The following MUC22 variants were observed in gnomAD, a reference collection of about 807,000 sequenced individuals.
MUC22 encodes mucin-22.
Under a neutral mutation model 40.3 loss-of-function variants are expected in MUC22, and 24 were observed. That is an observed-to-expected ratio of 0.60 (90% CI 0.43 to 0.84). The LOEUF is 0.84. Among genes scored for constraint, MUC22 ranks in the 40% least tolerant of loss-of-function variants. The probability of loss-of-function intolerance (pLI) is 0.00; values close to 1 mark genes in which losing one functional copy is unlikely to be tolerated. For missense variants in MUC22, 1,926 were observed against 2,130.7 expected, an observed-to-expected ratio of 0.90 and a Z score of 1.89; for synonymous variants, 765 against 844.5, an observed-to-expected ratio of 0.91 and a Z score of 1.63.
chr6:31,022,389 C>T (rs769856241), intron 1 of MUC22, among the ~76,000 whole-genome samples: 4 of 152,028 alleles, frequency 2.6e-5, no homozygotes, highest in Non-Finnish European at 5.9e-5. Context: ...GTATCGAACT[C>T]CTGGTGATCT....
At chr6:31,015,952 C>A (rs1764166296) in intron 1 of MUC22, among the ~76,000 whole-genome samples, 1 of 152,086 alleles carries the variant, frequency 6.6e-6, no homozygotes, top group East Asian at 1.9e-4. Context: ...ACCTCCTGGG[C>A]TGACACTCTA....
At position 31,024,629 on chromosome 6, in the gene MUC22, T is replaced by C. The variant is rs188984354; in HGVS notation, c.71-873T>C. ...TTCTTGTAAAGAAGAGTTTAGAATATAAAGAATGTAAATACACCTTTGGGT... is the reference window on the plus strand; with the variant it reads ...TTCTTGTAAAGAAGAGTTTAGAATACAAAGAATGTAAATACACCTTTGGGT... On this transcript the variant is annotated intron_variant, in intron 1 of 3. Transcript: ENST00000561890. Among the ~76,000 whole-genome samples the C allele has an allele frequency of 2.4e-3, 370 of 152,316 alleles. 3 individuals are homozygous for C. The highest frequency in any genetic ancestry group is 8.4e-3 in the African/African-American group (350 of 41,572).
rs1268709196 is a variant in MUC22 at position 31,027,956 on chromosome 6, GCT to G, written c.2528_2529del (p.Ser843Ter). The G allele has an allele frequency of 6.5e-7, 1 of 1,534,520 alleles. No homozygotes were observed. The highest frequency in any genetic ancestry group is 8.7e-7 in the Non-Finnish European group (1 of 1,146,628). On this transcript the variant is annotated frameshift_variant, in exon 2 of 4. Coordinates refer to ENST00000561890, the Ensembl canonical transcript of MUC22. LOFTEE classifies it high-confidence loss of function. ...GGGACCACTGCAGCCTCCACTGCAGGCTCTGAGACCACCACAGTCTCTACTGC... is the reference window on the plus strand; with the variant it reads ...GGGACCACTGCAGCCTCCACTGCAGGCTGAGACCACCACAGTCTCTACTGC...
exon 4 of MUC22, chr6:31,034,713 C>T (rs73727173): frequency 7.8e-6 from 12 of 1,535,464 alleles, no homozygotes; most frequent in Non-Finnish European, 8.7e-6. Context: ...GTATTTATTA[C>T]CCCCATGGCC....
In MUC22 at chr6:31,022,753, G is replaced by A. The variant is rs566610078; in HGVS notation, c.71-2749G>A. Among the ~76,000 whole-genome samples the A allele has an allele frequency of 3.3e-5, 5 of 152,084 alleles. No individual in the cohort carries two copies. The South Asian group carries it at 6.2e-4, about 19-fold the overall frequency. On this transcript the variant is annotated intron_variant, in intron 1 of 3. Transcript: ENST00000561890. ...TCACTGGGAGGTAGACAGTGATAAA[G>A]GTGTATATCGTAAATCCTAGAGCAA... is the stretch of plus-strand genomic sequence containing the variant.
At chr6:31,028,287 T>C in exon 2 of MUC22, 1 of 1,534,696 alleles carries the variant, frequency 6.5e-7, no homozygotes, top group Non-Finnish European at 8.7e-7. Flanking sequence ...TCACAGGCTC[T>C]GAGACCACTA....
chr6:31,026,241 C>A, exon 2 of MUC22: 1 of 1,531,564 alleles, frequency 6.5e-7, no homozygotes, highest in Non-Finnish European at 8.7e-7. Flanking sequence ...CCACCACAGC[C>A]TCTACCACAG....
chr6:31,018,011 A>G (rs1764368231), intron 1 of MUC22, among the ~76,000 whole-genome samples: 1 of 152,226 alleles, frequency 6.6e-6, no homozygotes, highest in Admixed American at 6.5e-5. Context: ...CACCAGAAGA[A>G]ACGCCGAACA....
chr6:31,028,593 G>A, exon 2 of MUC22: 3 of 1,528,286 alleles, frequency 2.0e-6, no homozygotes, highest in African/African-American at 2.8e-5. Flanking sequence ...GCTCTAAAAT[G>A]ACCACAGTCT....
rs1197104009 is a variant in MUC22, at chr6:31,032,594, G to C, written c.5055+13G>C. 6.6e-7 allele frequency: 1 copy of C among 1,526,484 alleles called. No homozygotes were observed. Among genetic ancestry groups the C allele is most frequent in the African/African-American group, 1.4e-5 (1 of 72,956 alleles). 94.6% of individuals were successfully genotyped at this position (1,526,484 alleles called of 1,614,324 possible). On this transcript the variant is annotated intron_variant, in intron 3 of 3. Coordinates refer to ENST00000561890, the Ensembl canonical transcript of MUC22. The surrounding 1 kb of genome is among the most constrained non-coding windows in gnomAD (Gnocchi z 4.1). Reference sequence around the variant, plus strand: ...GAGTTTTTGTCTGGTGAGTACCCAGGGTGGGTTCATAGGGGAGCCTGGCAA... The same window carrying C: ...GAGTTTTTGTCTGGTGAGTACCCAGCGTGGGTTCATAGGGGAGCCTGGCAA...
chr6:31,011,320 T>C lies in MUC22; in HGVS notation c.70+544T>C, dbSNP rs2150740484. 6.6e-6 allele frequency among the ~76,000 whole-genome samples: 1 copy of C among 152,238 alleles called. No individual in the cohort carries two copies. Among genetic ancestry groups the C allele is most frequent in the Middle Eastern group, 3.4e-3 (1 of 294 alleles). ...AGCAGTGTACACCGCACCCACCCTATCTGTAGTCTTTTATCTCTCGTGCCT... is the reference window on the plus strand; with the variant it reads ...AGCAGTGTACACCGCACCCACCCTACCTGTAGTCTTTTATCTCTCGTGCCT... On this transcript the variant is annotated intron_variant, in intron 1 of 3. Coordinates refer to ENST00000561890, the Ensembl canonical transcript of MUC22. This position sits in a 1 kb window ranked among gnomAD's most constrained non-coding sequence, Gnocchi z 4.5.
rs1015557660 is a variant in MUC22 at position 31,032,011 on chromosome 6, A to T, written c.4670-185A>T. ...CTACCTCCTTCTCTGTATGACACCC[A>T]CCTGCATTCTGGGGACATGGCCACA... is the stretch of plus-strand genomic sequence containing the variant. On this transcript the variant is annotated intron_variant, in intron 2 of 3. Coordinates refer to ENST00000561890, the Ensembl canonical transcript of MUC22. This position sits in a 1 kb window ranked among gnomAD's most constrained non-coding sequence, Gnocchi z 4.1. 6.6e-6 allele frequency among the ~76,000 whole-genome samples: 1 copy of T among 152,030 alleles called. No individual in the cohort carries two copies. Among genetic ancestry groups the T allele is most frequent in the Non-Finnish European group, 1.5e-5 (1 of 68,006 alleles).
intron 2 of MUC22, among the ~76,000 whole-genome samples, chr6:31,031,640 T>G (rs1219877035): frequency 1.3e-5 from 2 of 152,162 alleles, no homozygotes. Flanking sequence ...CTGCACCATA[T>G]TTGAAGTCTT....
chr6:31,014,889 C>T (rs897798387), intron 1 of MUC22, among the ~76,000 whole-genome samples: 2 of 152,140 alleles, frequency 1.3e-5, no homozygotes, highest in African/African-American at 4.8e-5. Context: ...GAGAGGCTTA[C>T]AGGCCCTAGA....
upstream of MUC22, among the ~76,000 whole-genome samples, chr6:31,007,149 G>A (rs1219935807): frequency 6.6e-6 from 1 of 152,164 alleles, no homozygotes; most frequent in East Asian, 1.9e-4. The surrounding 1 kb of genome is among the most constrained non-coding windows in gnomAD (Gnocchi z 4.0). Flanking sequence ...ATAATTAAAT[G>A]TATGATAAAA....
At chr6:31,016,791 A>AG (rs984400715) in intron 1 of MUC22, among the ~76,000 whole-genome samples, 12 of 152,264 alleles carry the variant, frequency 7.9e-5, no homozygotes, top group African/African-American at 2.9e-4. Flanking sequence ...GGAGGTGTGG[A>AG]GGGAGAGGCA....
At chr6:31,027,088 T>C in exon 2 of MUC22, 2 of 1,496,106 alleles carry the variant, frequency 1.3e-6, no homozygotes, top group Middle Eastern at 1.7e-4. Context: ...CACCATGGGC[T>C]CTGAGACCAC....
chr6:31,029,685 C>T lies in MUC22; in HGVS notation c.4254C>T (p.Ser1418=), dbSNP rs1765869032. 3 of 1,534,802 alleles carry T rather than the reference C, an allele frequency of 2.0e-6. No individual in the cohort carries two copies. The South Asian group carries it at 3.6e-5, about 18-fold the overall frequency. The change falls in exon 2 of 4, where the codon TCC becomes TCT. Residue 1418 remains serine, a synonymous_variant. Transcript: ENST00000561890. ...CCATAGGCTCTGAGGCCACCACATC[C>T]TCTGCTGCAGGCTCTGAGGCCACCA...
At position 31,032,266 on chromosome 6, in the gene MUC22, G is replaced by A. The variant is rs1016024607; in HGVS notation, c.4740G>A (p.Thr1580=). The change falls in exon 3 of 4, where the codon ACG becomes ACA. Residue 1580 remains threonine (T), a synonymous_variant. Coordinates refer to ENST00000561890, the Ensembl canonical transcript of MUC22. The surrounding 1 kb of genome is among the most constrained non-coding windows in gnomAD (Gnocchi z 4.1). ...CCATGGCCCCTGGAATGGACTTCAC[G>A]GCCTCTGCTGCCAGCCATACTGTGC... is the stretch of plus-strand genomic sequence containing the variant. 4.4e-5 allele frequency: 68 copies of A among 1,535,542 alleles called. No individual in the cohort carries two copies. In the East Asian group the frequency reaches 1.0e-3, roughly 23 times the overall value.
Sources: allele counts gnomAD v4.1 joint callset (sites outside exome capture counted in the v4.1 genomes callset), GRCh38; gene constraint gnomAD v4.1.1; non-coding constraint Gnocchi (gnomAD v3.1); transcripts MANE v1.5; gene names NCBI Gene and HGNC (gene_info 2026-07-23, HGNC 2026-07-21).